The following GALNT18 variants were observed in gnomAD, a reference collection of about 807,000 sequenced individuals.
GALNT18 encodes GalNAc-transferase 18.
In GALNT18, 44 loss-of-function variants were observed where a neutral mutation model predicts 69.5. That is an observed-to-expected ratio of 0.63 (90% CI 0.50 to 0.81). The LOEUF is 0.81. Ranked by LOEUF, GALNT18 falls within the 40% of genes least tolerant of loss-of-function variation. The pLI is 0.00. For synonymous variants in GALNT18, 364 were observed against 318.2 expected (o/e 1.14, Z -1.53); for missense variants, 715 against 810.0 (o/e 0.88, Z 1.42).
rs1860119878 is a variant in GALNT18, at chr11:11,618,810, G to A, written c.235+2549C>T. 1.3e-5 allele frequency among the ~76,000 whole-genome samples: 2 copies of A among 152,142 alleles called. No individual in the cohort carries two copies. Among genetic ancestry groups the A allele is most frequent in the South Asian group, 4.2e-4 (2 of 4,816 alleles). On this transcript the variant is annotated intron_variant, in intron 1 of 10. Transcript: ENST00000227756. The surrounding 1 kb of genome is among the most constrained non-coding windows in gnomAD (Gnocchi z 6.1). The stretch of plus-strand genomic sequence containing the variant: ...TAGAATAGGGCCTGACATATCCTAG[G>A]TGCTATGTTATTTTAGCTCTTATTA...
Position 11,365,444 on chromosome 11 carries a change from C to T in GALNT18, c.1092+7071G>A, listed in dbSNP as rs189775547. ...CATGTCTTTGTTATTGTAAATAGTGCTGCAATAAACATACATGTACATGAG... is the reference window on the plus strand; with the variant it reads ...CATGTCTTTGTTATTGTAAATAGTGTTGCAATAAACATACATGTACATGAG... On this transcript the variant is annotated intron_variant, in intron 6 of 10. Coordinates refer to ENST00000227756, the MANE Select transcript of GALNT18 (RefSeq NM_198516.3). Among the ~76,000 whole-genome samples, 27 of 152,258 alleles carry T rather than the reference C, an allele frequency of 1.8e-4. No individual in the cohort carries two copies. In the East Asian group the frequency reaches 5.2e-3, roughly 29 times the overall value.
intron 9 of GALNT18, among the ~76,000 whole-genome samples, chr11:11,294,352 G>A (rs1234712069): frequency 6.6e-6 from 1 of 152,180 alleles, no homozygotes; most frequent in Non-Finnish European, 1.5e-5. Context: ...TGCCTGGTAT[G>A]CACCAAAATC....
chr11:11,445,315 C>A (rs995864054), intron 2 of GALNT18, among the ~76,000 whole-genome samples: 2 of 152,204 alleles, frequency 1.3e-5, no homozygotes, highest in Non-Finnish European at 2.9e-5. Context: ...ATAGGACCTA[C>A]CTCAGAAGGT....
rs1848824858 is a variant in GALNT18 at position 11,271,410 on chromosome 11, G to A, written c.1678-120C>T. The A allele has an allele frequency of 2.5e-5, 25 of 1,012,772 alleles. No individual in the cohort carries two copies. In the South Asian group the frequency reaches 3.7e-4, roughly 15 times the overall value. 62.7% of individuals were successfully genotyped at this position (1,012,772 alleles called of 1,614,324 possible). A position where few individuals can be genotyped will look rare whatever the true frequency, so the allele number is the denominator to read the frequency against. The stretch of plus-strand genomic sequence containing the variant: ...TATCTGTGTGGCCAGATCCCAGGAG[G>A]TCAGCATTCCCATGAAACTGCAGGC... On this transcript the variant is annotated intron_variant, in intron 10 of 10. Transcript: ENST00000227756.
rs954730875 is a variant in GALNT18, at chr11:11,337,135, G to T, written c.1278+3684C>A. On this transcript the variant is annotated intron_variant, in intron 7 of 10. Transcript: ENST00000227756. This position sits in a 1 kb window ranked among gnomAD's most constrained non-coding sequence, Gnocchi z 4.9. The stretch of plus-strand genomic sequence containing the variant: ...ACCTACCGCTCAAAATCCTCTCTGA[G>T]GATGAGACCCAGATGAGTATTTTTT... Among the ~76,000 whole-genome samples the T allele has an allele frequency of 6.6e-6, 1 of 152,136 alleles. No homozygotes were observed. Among genetic ancestry groups the T allele is most frequent in the African/African-American group, 2.4e-5 (1 of 41,422 alleles).
At chr11:11,293,214 A>G (rs1458318723) in intron 9 of GALNT18, 21 bp from the exon 10 acceptor site, 2 of 1,317,250 alleles carry the variant, frequency 1.5e-6, no homozygotes, top group Non-Finnish European at 2.0e-6. Context: ...AGGGAGGGAG[A>G]GAGTGTGGAT....
At chr11:11,416,158 A>G (rs927616462) in intron 3 of GALNT18, among the ~76,000 whole-genome samples, 4 of 152,226 alleles carry the variant, frequency 2.6e-5, no homozygotes, top group African/African-American at 9.6e-5. Context: ...GCCTCGTCCA[A>G]TGCAGACACA....
At chr11:11,443,953 G>A (rs572280166) in intron 2 of GALNT18, among the ~76,000 whole-genome samples, 1 of 152,316 alleles carries the variant, frequency 6.6e-6, no homozygotes, top group African/African-American at 2.4e-5. Context: ...TGGAAAAACT[G>A]GCACACTTCC....
rs374337543 is a variant in GALNT18, at chr11:11,327,697, AG to A, written c.1417-517del. ...GAGTGGGAGGTCGGATGGGAGAATA[AG>A]AGAGGAGGGGGCCAGGGTGGGAGCA... On this transcript the variant is annotated intron_variant, in intron 8 of 10. Coordinates refer to ENST00000227756, the MANE Select transcript of GALNT18 (RefSeq NM_198516.3). Among the ~76,000 whole-genome samples the A allele has an allele frequency of 3.7e-3, 561 of 152,328 alleles. 2 individuals are homozygous for A. The highest frequency in any genetic ancestry group is 7.5e-3 in the Admixed American group (115 of 15,292).
intron 1 of GALNT18, among the ~76,000 whole-genome samples, chr11:11,517,490 T>C (rs1369545021): frequency 6.6e-6 from 1 of 151,994 alleles, no homozygotes; most frequent in Non-Finnish European, 1.5e-5. Flanking sequence ...CACATGCACA[T>C]ATATGGACTT....
chr11:11,459,338 GC>G lies in GALNT18; in HGVS notation c.236-10403del, dbSNP rs1855989799. The stretch of plus-strand genomic sequence containing the variant: ...GCTTGGAACCAATCAGGAGGAAGGA[GC>G]CCTGACAGTCTCAGGTCCAACACCA... On this transcript the variant is annotated intron_variant, in intron 1 of 10. Transcript: ENST00000227756. This position sits in a 1 kb window ranked among gnomAD's most constrained non-coding sequence, Gnocchi z 5.0. Among the ~76,000 whole-genome samples the G allele has an allele frequency of 1.3e-5, 2 of 152,230 alleles. No individual in the cohort carries two copies. The highest frequency in any genetic ancestry group is 1.9e-4 in the East Asian group (1 of 5,158).
intron 1 of GALNT18, among the ~76,000 whole-genome samples, chr11:11,521,870 G>A (rs1343227497): frequency 6.6e-6 from 1 of 152,144 alleles, no homozygotes; most frequent in Non-Finnish European, 1.5e-5. Flanking sequence ...ATGGGTGGCT[G>A]CACCTGTTCC....
chr11:11,599,172 C>A lies in GALNT18; in HGVS notation c.235+22187G>T, dbSNP rs188163588. Among the ~76,000 whole-genome samples the A allele has an allele frequency of 2.7e-3, 410 of 152,156 alleles. 2 individuals are homozygous for A. The highest frequency in any genetic ancestry group is 6.8e-3 in the Middle Eastern group (2 of 294). ...TTAGTACATCTGCCTAATTGTTCTACCCATTATTTAAAGAAAGTATGGAAG... is the reference window on the plus strand; with the variant it reads ...TTAGTACATCTGCCTAATTGTTCTAACCATTATTTAAAGAAAGTATGGAAG... On this transcript the variant is annotated intron_variant, in intron 1 of 10. Transcript: ENST00000227756.
At chr11:11,509,233 C>T (rs1268909906) in intron 1 of GALNT18, among the ~76,000 whole-genome samples, 2 of 152,100 alleles carry the variant, frequency 1.3e-5, no homozygotes, top group African/African-American at 4.8e-5. Flanking sequence ...ATCTAAATGG[C>T]ACACTGAGCT....
At position 11,364,730 on chromosome 11, in the gene GALNT18, T is replaced by A. The variant is rs887223095; in HGVS notation, c.1092+7785A>T. 1.9e-4 allele frequency among the ~76,000 whole-genome samples: 29 copies of A among 152,224 alleles called. 1 individual carries two copies. Among genetic ancestry groups the A allele is most frequent in the Admixed American group, 1.5e-3 (23 of 15,276 alleles). On this transcript the variant is annotated intron_variant, in intron 6 of 10. Coordinates refer to ENST00000227756, the MANE Select transcript of GALNT18 (RefSeq NM_198516.3). Reference sequence around the variant, plus strand: ...ACAGTATTACAGTATTCTTTTCAACTCTTTTAGGACTGAAAATAGCATTGT... The same window carrying A: ...ACAGTATTACAGTATTCTTTTCAACACTTTTAGGACTGAAAATAGCATTGT...
Position 11,546,220 on chromosome 11 carries a change from A to G in GALNT18, c.235+75139T>C, listed in dbSNP as rs569538160. On this transcript the variant is annotated intron_variant, in intron 1 of 10. Coordinates refer to ENST00000227756, the MANE Select transcript of GALNT18 (RefSeq NM_198516.3). The surrounding 1 kb of genome is among the most constrained non-coding windows in gnomAD (Gnocchi z 5.8). ...ATCATAGTTGGAAGATAGGGTACACAGGGAGGAGACCCAACCATCCCATCT... is the reference window on the plus strand; with the variant it reads ...ATCATAGTTGGAAGATAGGGTACACGGGGAGGAGACCCAACCATCCCATCT... Among the ~76,000 whole-genome samples the G allele has an allele frequency of 6.6e-6, 1 of 152,282 alleles. No homozygotes were observed. The highest frequency in any genetic ancestry group is 2.4e-5 in the African/African-American group (1 of 41,552).
chr11:11,506,005 T>C (rs1314112920), intron 1 of GALNT18, among the ~76,000 whole-genome samples: 1 of 152,192 alleles, frequency 6.6e-6, no homozygotes, highest in South Asian at 2.1e-4. Flanking sequence ...TATGTATTAT[T>C]GAGGTTTCCT....
intron 1 of GALNT18, among the ~76,000 whole-genome samples, chr11:11,548,239 C>A (rs1858107890): frequency 6.6e-6 from 1 of 152,246 alleles, no homozygotes; most frequent in African/African-American, 2.4e-5. Context: ...AATAGCTCAG[C>A]TGCAAAAGTG....
Position 11,448,937 on chromosome 11 carries a change from C to G in GALNT18, c.236-1G>C. ...GCCTCCTCAGGCTTGGCAGGAGCCT[C>G]TGGAGAAAGAAGGAACAGGAGACAG... On this transcript the variant is annotated splice_acceptor_variant, in intron 1 of 10. Transcript: ENST00000227756. LOFTEE classifies it high-confidence loss of function. 6.3e-7 allele frequency: 1 copy of G among 1,578,474 alleles called. No individual in the cohort carries two copies. Among genetic ancestry groups the G allele is most frequent in the Non-Finnish European group, 8.6e-7 (1 of 1,162,998 alleles).
Sources: gnomAD v4.1 joint callset for allele counts (sites outside exome capture counted in the v4.1 genomes callset) on GRCh38, gnomAD v4.1.1 for gene constraint, Gnocchi (gnomAD v3.1) non-coding constraint, MANE v1.5 for transcripts, NCBI Gene and HGNC (gene_info 2026-07-23, HGNC 2026-07-21) for gene names.